CDK8: variants seen among roughly 807,000 people sequenced by gnomAD.
CDK8 encodes cyclin-dependent kinase 8.
In CDK8, 29 loss-of-function variants were observed where a neutral mutation model predicts 71.5. The ratio of observed to expected loss-of-function variants is 0.41; its 90% CI spans 0.30 to 0.55. CDK8 has a LOEUF of 0.55. Ranked by LOEUF, CDK8 falls within the 20% of genes least tolerant of loss-of-function variation. The pLI, the probability that CDK8 is intolerant of heterozygous loss-of-function variation, is 0.37. For missense variants in CDK8, 288 were observed against 572.6 expected (o/e 0.50, Z 5.07); for synonymous variants, 161 against 192.1 (o/e 0.84, Z 1.34).
In CDK8 at chr13:26,254,889, C is replaced by A; in HGVS notation, c.128+120C>A. ...GGGCTCTGACTTCCTCGACGCCGGCCTCTGGCTCCGCCAGCCAGGTTTGGG... is the reference window on the plus strand; with the variant it reads ...GGGCTCTGACTTCCTCGACGCCGGCATCTGGCTCCGCCAGCCAGGTTTGGG... On this transcript the variant is annotated intron_variant, in intron 1 of 12. Coordinates refer to ENST00000381527, the MANE Select transcript of CDK8 (RefSeq NM_001260.3). This position sits in a 1 kb window ranked among gnomAD's most constrained non-coding sequence, Gnocchi z 6.7. 1 of 1,398,602 alleles carries A rather than the reference C, an allele frequency of 7.2e-7. No individual in the cohort carries two copies. Among genetic ancestry groups the A allele is most frequent in the South Asian group, 1.4e-5 (1 of 73,666 alleles). 86.6% of individuals were successfully genotyped at this position (1,398,602 alleles called of 1,614,324 possible).
rs1593317822 is a variant in CDK8 at position 26,404,182 on chromosome 13, A to G, written c.*101A>G. ...TATGGGCCATGAGAATGTACTGTAC[A>G]ACCACATCTTCAAAATGTCCAGTAG... On this transcript the variant is annotated 3_prime_UTR_variant, in exon 13 of 13. Coordinates refer to ENST00000381527, the MANE Select transcript of CDK8 (RefSeq NM_001260.3). The G allele has an allele frequency of 1.5e-6, 2 of 1,335,518 alleles. No homozygotes were observed. Among genetic ancestry groups the G allele is most frequent in the South Asian group, 1.5e-5 (1 of 67,822 alleles). The allele number at this position is 1,335,518 out of a possible 1,614,324, so 82.7% of individuals were successfully genotyped here. A position where few individuals can be genotyped will look rare whatever the true frequency, so the allele number is the denominator to read the frequency against.
intron 1 of CDK8, among the ~76,000 whole-genome samples, chr13:26,314,790 T>C (rs1874434664): frequency 6.6e-6 from 1 of 152,218 alleles, no homozygotes; most frequent in East Asian, 1.9e-4. Flanking sequence ...CTTTTCTCCA[T>C]ATGTTTATAC....
At position 26,269,529 on chromosome 13, in the gene CDK8, A is replaced by G. The variant is rs545478712; in HGVS notation, c.128+14760A>G. Among the ~76,000 whole-genome samples the G allele has an allele frequency of 3.5e-4, 53 of 151,762 alleles. No individual in the cohort carries two copies. In the South Asian group the frequency reaches 9.4e-3, roughly 27 times the overall value. On this transcript the variant is annotated intron_variant, in intron 1 of 12. Transcript: ENST00000381527. ...AAGTAGCACATACCTCTCTTACTTG[A>G]TCTATTTCTCTTTAGATTGTTTTTT...
intron 6 of CDK8, among the ~76,000 whole-genome samples, chr13:26,387,079 CA>C (rs772572377): frequency 6.6e-6 from 1 of 152,132 alleles, no homozygotes; most frequent in Non-Finnish European, 1.5e-5. Flanking sequence ...ACTTTTTTCT[CA>C]TGTTTTTCTG....
chr13:26,320,708 G>T (rs1372233540), intron 1 of CDK8, among the ~76,000 whole-genome samples: 1 of 152,080 alleles, frequency 6.6e-6, no homozygotes, highest in African/African-American at 2.4e-5. Context: ...TCAAAAATTG[G>T]CAAAGGACTT....
intron 6 of CDK8, among the ~76,000 whole-genome samples, chr13:26,388,104 G>A (rs1442366500): frequency 6.6e-6 from 1 of 152,166 alleles, no homozygotes; most frequent in African/African-American, 2.4e-5. Context: ...GAAGGGAAAA[G>A]GAGCAATGTT....
intron 1 of CDK8, among the ~76,000 whole-genome samples, chr13:26,330,800 C>A (rs938444586): frequency 7.9e-5 from 12 of 152,230 alleles, no homozygotes; most frequent in Non-Finnish European, 1.3e-4. Flanking sequence ...GAATAGTATT[C>A]TATAGTGTAT....
intron 1 of CDK8, among the ~76,000 whole-genome samples, chr13:26,275,873 C>G (rs1872543121): frequency 6.7e-6 from 1 of 149,670 alleles, no homozygotes. Flanking sequence ...TTGGCTCTAA[C>G]TTTTTTTTTT....
chr13:26,330,430 C>A (rs1460678921), intron 1 of CDK8, among the ~76,000 whole-genome samples: 1 of 152,194 alleles, frequency 6.6e-6, no homozygotes, highest in Non-Finnish European at 1.5e-5. Flanking sequence ...GCCTCAAACT[C>A]CTGACCTCAA....
In CDK8 at chr13:26,404,146, C is replaced by T. The variant is rs1876403507; in HGVS notation, c.*65C>T. ...GCAGGGCTGACTGTGCAGCTCTCTG[C>T]GGGAACCTGGTATGGGCCATGAGAA... On this transcript the variant is annotated 3_prime_UTR_variant, in exon 13 of 13. Coordinates refer to ENST00000381527, the MANE Select transcript of CDK8 (RefSeq NM_001260.3). 1.5e-5 allele frequency: 23 copies of T among 1,579,320 alleles called. No individual in the cohort carries two copies. Among genetic ancestry groups the T allele is most frequent in the Middle Eastern group, 3.4e-4 (2 of 5,892 alleles).
intron 1 of CDK8, among the ~76,000 whole-genome samples, chr13:26,313,133 T>C (rs1160247802): frequency 1.3e-5 from 2 of 152,346 alleles, no homozygotes; most frequent in Non-Finnish European, 2.9e-5. Flanking sequence ...CTTCTATTAT[T>C]TTTATTTCAT....
At chr13:26,255,246 G>A (rs1252677127) in intron 1 of CDK8, among the ~76,000 whole-genome samples, 1 of 152,142 alleles carries the variant, frequency 6.6e-6, no homozygotes, top group Non-Finnish European at 1.5e-5. Context: ...TTTTATTTGA[G>A]GAAAGGAAGG....
chr13:26,354,334 C>G (rs537017693), intron 4 of CDK8, among the ~76,000 whole-genome samples: 1 of 152,192 alleles, frequency 6.6e-6, no homozygotes, highest in Non-Finnish European at 1.5e-5. Context: ...GGCCAATCAC[C>G]TTTATTAATC....
At chr13:26,262,617 A>G (rs1366674533) in intron 1 of CDK8, among the ~76,000 whole-genome samples, 2 of 152,256 alleles carry the variant, frequency 1.3e-5, no homozygotes, top group East Asian at 3.8e-4. Flanking sequence ...CTGAATCGAA[A>G]TGGAAGGCCA....
intron 6 of CDK8, among the ~76,000 whole-genome samples, chr13:26,389,086 G>T (rs1875617886): frequency 6.6e-6 from 1 of 152,192 alleles, no homozygotes; most frequent in Admixed American, 6.5e-5. Flanking sequence ...CGCATTTAGT[G>T]CTTTAGCCTC....
chr13:26,336,420 A>C (rs1872984812), intron 1 of CDK8, among the ~76,000 whole-genome samples: 1 of 152,168 alleles, frequency 6.6e-6, no homozygotes, highest in Non-Finnish European at 1.5e-5. Context: ...TATAGGATAT[A>C]ATATTGATAG....
intron 6 of CDK8, among the ~76,000 whole-genome samples, chr13:26,391,957 TAA>T (rs1275675084): frequency 2.0e-5 from 3 of 152,242 alleles, no homozygotes; most frequent in African/African-American, 7.2e-5. Flanking sequence ...ATTTCCTGTT[TAA>T]GTGACAGTTA....
intron 4 of CDK8, among the ~76,000 whole-genome samples, chr13:26,363,008 T>C (rs923599115): frequency 7.4e-6 from 1 of 134,736 alleles, no homozygotes; most frequent in African/African-American, 2.7e-5. Context: ...TTTTTTTTTT[T>C]AATTTTCAAG....
intron 8 of CDK8, among the ~76,000 whole-genome samples, chr13:26,396,943 A>C (rs1050869728): frequency 6.6e-6 from 1 of 152,114 alleles, no homozygotes; most frequent in East Asian, 1.9e-4. Context: ...ATTGTCTTAC[A>C]TTTAATCATC....
Sources: allele counts gnomAD v4.1 joint callset (sites outside exome capture counted in the v4.1 genomes callset), GRCh38; gene constraint gnomAD v4.1.1; non-coding constraint Gnocchi (gnomAD v3.1); transcripts MANE v1.5; gene names NCBI Gene and HGNC (gene_info 2026-07-23, HGNC 2026-07-21).